IRS1: variants seen among roughly 807,000 people sequenced by gnomAD.
IRS1 encodes the protein insulin receptor substrate 1.
IRS1 carries 34 observed loss-of-function variants against 65.6 expected under a neutral mutation model. That is an observed-to-expected ratio of 0.52 (90% CI 0.39 to 0.69). The LOEUF is 0.69. Ranked by LOEUF, IRS1 falls within the 30% of genes least tolerant of loss-of-function variation. IRS1 has a pLI of 0.00. For missense variants in IRS1, 1,641 were observed against 1,720.2 expected (o/e 0.95, Z 0.81); for synonymous variants, 699 against 683.5 (o/e 1.02, Z -0.35).
chr2:226,799,164 T>G lies in IRS1; in HGVS notation c.-426A>C, dbSNP rs893018019. The G allele has an allele frequency of 5.2e-5, 57 of 1,105,520 alleles. No individual in the cohort carries two copies. Among genetic ancestry groups the G allele is most frequent in the Admixed American group, 9.7e-5 (2 of 20,620 alleles). 68.5% of individuals were successfully genotyped at this position (1,105,520 alleles called of 1,614,324 possible). A position where few individuals can be genotyped will look rare whatever the true frequency, so the allele number is the denominator to read the frequency against. On this transcript the variant is annotated 5_prime_UTR_variant, in exon 1 of 2. Coordinates refer to ENST00000305123, the MANE Select transcript of IRS1 (RefSeq NM_005544.3). This position sits in a 1 kb window ranked among gnomAD's most constrained non-coding sequence, Gnocchi z 6.1. ...AGCGCGCGCGCGCGCGCGCCTTCCCTCCTGAGTTCCCCTCTGGAAGCAGCG... is the reference window on the plus strand; with the variant it reads ...AGCGCGCGCGCGCGCGCGCCTTCCCGCCTGAGTTCCCCTCTGGAAGCAGCG...
chr2:226,772,697 T>A (rs1447849214), intron 1 of IRS1, among the ~76,000 whole-genome samples: 3 of 145,160 alleles, frequency 2.1e-5, no homozygotes, highest in Non-Finnish European at 4.5e-5. Flanking sequence ...AAAAAAAAAA[T>A]TCTAAGTCCT....
chr2:226,797,816 A>C lies in IRS1; in HGVS notation c.923T>G (p.Ile308Ser), dbSNP rs1386587599. Residue 308 changes from isoleucine to serine, a missense_variant, in exon 1 of 2, where the codon ATC (isoleucine) becomes AGC (serine). Around this residue, in one of 3 missense-constraint regions of IRS1, gnomAD observed 1,324 missense variants for 1,361.0 expected, o/e 0.97. Coordinates refer to ENST00000305123, the MANE Select transcript of IRS1 (RefSeq NM_005544.3). This position sits in a 1 kb window ranked among gnomAD's most constrained non-coding sequence, Gnocchi z 8.1. The part of the protein sequence containing the change: ...GLTRRSRTES[I>S]TATSPASMVG... ...CATGCTGGCCGGGGAGGTGGCGGTG[A>C]TGCTCTCAGTGCGTGATCGGCGGGT... The C allele has an allele frequency of 2.5e-6, 4 of 1,604,006 alleles. No individual in the cohort carries two copies. In the African/African-American group the frequency reaches 5.4e-5, roughly 21 times the overall value.
rs1251030573 is a variant in IRS1 at position 226,797,730 on chromosome 2, A to T, written c.1009T>A (p.Ser337Thr). Residue 337 changes from serine to threonine, a missense_variant, in exon 1 of 2, where the codon TCC (serine) becomes ACC (threonine). Around this residue, in one of 3 missense-constraint regions of IRS1, gnomAD observed 1,324 missense variants for 1,361.0 expected, o/e 0.97. Coordinates refer to ENST00000305123, the MANE Select transcript of IRS1 (RefSeq NM_005544.3). This position sits in a 1 kb window ranked among gnomAD's most constrained non-coding sequence, Gnocchi z 8.1. ...CTGCCGTCCACCGAGGCTGGGCGGG[A>T]CATGGTGCCTTCGCCGTCACTGGAG... Reference protein sequence around the residue: ...RASSDGEGTMSRPASVDGSPV... With the variant: ...RASSDGEGTMTRPASVDGSPV... The T allele has an allele frequency of 1.3e-6, 2 of 1,596,922 alleles. No homozygotes were observed. The highest frequency in any genetic ancestry group is 2.2e-5 in the South Asian group (2 of 90,548).
chr2:226,779,508 C>T (rs1469836208), intron 1 of IRS1, among the ~76,000 whole-genome samples: 1 of 152,192 alleles, frequency 6.6e-6, no homozygotes, highest in Non-Finnish European at 1.5e-5. Context: ...ATACCAGACA[C>T]ATATCTATAA....
chr2:226,796,255 G>C lies in IRS1; in HGVS notation c.2484C>G (p.Ser828Arg), dbSNP rs1378738307. Residue 828 changes from serine (S) to arginine (R), a missense_variant, in exon 1 of 2, where the codon AGC becomes AGG. Physicochemically the swap from Ser to Arg is moderately radical, Grantham distance 110. This residue lies in a region of IRS1 where 1,324 missense variants were observed against 1,361.0 expected (regional missense o/e 0.97). Coordinates refer to ENST00000305123, the MANE Select transcript of IRS1 (RefSeq NM_005544.3). ...GGYCGARLEP[S>R]LPHPHHQVLQ... ...GAACCTGATGGTGGGGATGTGGAAG[G>C]CTGGGCTCCAGCCTAGCCCCGCAGT... is the stretch of plus-strand genomic sequence containing the variant. The C allele has an allele frequency of 9.3e-6, 15 of 1,613,494 alleles. No homozygotes were observed. Among genetic ancestry groups the C allele is most frequent in the East Asian group, 2.2e-5 (1 of 44,886 alleles).
At position 226,798,535 on chromosome 2, in the gene IRS1, G is replaced by C. The variant is rs1460898587; in HGVS notation, c.204C>G (p.Ser68Arg). 6.2e-7 allele frequency: 1 copy of C among 1,614,094 alleles called. No homozygotes were observed. The highest frequency in any genetic ancestry group is 8.5e-7 in the Non-Finnish European group (1 of 1,180,022). The part of the protein sequence containing the change: ...SAPKRSIPLE[S>R]CFNINKRADS... The stretch of plus-strand genomic sequence containing the variant: ...CAGCCCGCTTGTTGATGTTGAAGCA[G>C]CTCTCAAGGGGGATCGAGCGTTTGG... The change falls in exon 1 of 2, where the codon AGC (serine) becomes AGG (arginine). Residue 68 changes from serine to arginine, a missense_variant. This residue lies in a region of IRS1 where 240 missense variants were observed against 229.6 expected (regional missense o/e 1.05). Coordinates refer to ENST00000305123, the MANE Select transcript of IRS1 (RefSeq NM_005544.3). The surrounding 1 kb of genome is among the most constrained non-coding windows in gnomAD (Gnocchi z 9.4).
Position 226,766,125 on chromosome 2 carries a change from A to C in IRS1, c.*21+28864T>G, listed in dbSNP as rs1312115914. Among the ~76,000 whole-genome samples the C allele has an allele frequency of 8.1e-3, 29 of 3,592 alleles. 1 individual carries two copies. Among genetic ancestry groups the C allele is most frequent in the African/African-American group, 0.025 (26 of 1,038 alleles). The allele number at this position is 3,592 out of a possible 152,430, so 2.4% of individuals were successfully genotyped here. A position where few individuals can be genotyped will look rare whatever the true frequency, so the allele number is the denominator to read the frequency against. On this transcript the variant is annotated intron_variant, in intron 1 of 1. Transcript: ENST00000305123. ...TCCCAAGGCCCTCTCTTAATCTTAT[A>C]TATATATATATATATATATATATAT...
chr2:226,763,321 C>T (rs1354463190), intron 1 of IRS1, among the ~76,000 whole-genome samples: 1 of 152,076 alleles, frequency 6.6e-6, no homozygotes, highest in African/African-American at 2.4e-5. Context: ...GTTGTGCTTT[C>T]TACAGTCTTG....
Position 226,795,978 on chromosome 2 carries a change from CAGA to C in IRS1, c.2758_2760del (p.Ser920del). 1 of 1,614,154 alleles carries C rather than the reference CAGA, an allele frequency of 6.2e-7. No homozygotes were observed. The highest frequency in any genetic ancestry group is 8.5e-7 in the Non-Finnish European group (1 of 1,180,050). On this transcript the variant is annotated inframe_deletion, in exon 1 of 2. Coordinates refer to ENST00000305123, the MANE Select transcript of IRS1 (RefSeq NM_005544.3). ...GGCTGGAGCTGGGATGGACACCTGA[CAGA>C]AGGTGAGCTGTGGAAAGCCACCGGG...
At chr2:226,743,634 ATGTCTTTCTTC>A (rs1346885378) in intron 1 of IRS1, among the ~76,000 whole-genome samples, 2 of 152,330 alleles carry the variant, frequency 1.3e-5, no homozygotes, top group East Asian at 3.9e-4. Context: ...TGTCATACGA[ATGTCTTTCTTC>A]TGCTTTCATG....
intron 1 of IRS1, among the ~76,000 whole-genome samples, chr2:226,769,868 G>A (rs937422730): frequency 6.6e-6 from 1 of 152,132 alleles, no homozygotes; most frequent in Non-Finnish European, 1.5e-5. Context: ...AGACATATCA[G>A]CCATTGATCG....
intron 1 of IRS1, among the ~76,000 whole-genome samples, chr2:226,772,389 A>G (rs1009054137): frequency 2.0e-5 from 3 of 152,176 alleles, no homozygotes; most frequent in Admixed American, 1.3e-4. Flanking sequence ...AGTTCCCAGG[A>G]GGTGGCAGAA....
intron 1 of IRS1, among the ~76,000 whole-genome samples, chr2:226,738,101 T>C (rs1938365280): frequency 6.6e-6 from 1 of 152,172 alleles, no homozygotes; most frequent in South Asian, 2.1e-4. Flanking sequence ...GGACTTTATC[T>C]AATTATAGAG....
At chr2:226,766,159 ATATATTTT>A (rs1206452036) in intron 1 of IRS1, among the ~76,000 whole-genome samples, 1 of 5,764 alleles carries the variant, frequency 1.7e-4, no homozygotes, top group Non-Finnish European at 3.9e-4. Context: ...ATATATATAT[ATATATTTT>A]TTTTTTTTTT....
rs113705295 is a variant in IRS1, at chr2:226,799,475, A to C, written c.-737T>G. ...GAAAGTGGCTTTTCCATGCGAAACGATACCGGGCAGCCACTGCAGCTGGGG... is the reference window on the plus strand; with the variant it reads ...GAAAGTGGCTTTTCCATGCGAAACGCTACCGGGCAGCCACTGCAGCTGGGG... On this transcript the variant is annotated 5_prime_UTR_variant, in exon 1 of 2. Coordinates refer to ENST00000305123, the MANE Select transcript of IRS1 (RefSeq NM_005544.3). The surrounding 1 kb of genome is among the most constrained non-coding windows in gnomAD (Gnocchi z 6.1). 30,763 of 1,173,118 alleles carry C rather than the reference A, an allele frequency of 0.026. 1,738 individuals are homozygous for C. Among genetic ancestry groups the C allele is most frequent in the African/African-American group, 0.19 (11,137 of 59,492 alleles). The allele number at this position is 1,173,118 out of a possible 1,614,324, so 72.7% of individuals were successfully genotyped here.
rs1351667336 is a variant in IRS1, at chr2:226,796,580, C to G, written c.2159G>C (p.Ser720Thr). Residue 720 changes from serine to threonine, a missense_variant, in exon 1 of 2, where the codon AGC (serine) becomes ACC (threonine). By Grantham distance (58) the Ser-to-Thr change is moderately conservative. Around this residue, in one of 3 missense-constraint regions of IRS1, gnomAD observed 1,324 missense variants for 1,361.0 expected, o/e 0.97. Transcript: ENST00000305123. Reference sequence around the variant, plus strand: ...GCAAGGTAAGAGCTTACCACCGCTGCTCTCCACTGGGGGTTTGGGGTGAGG... The same window carrying G: ...GCAAGGTAAGAGCTTACCACCGCTGGTCTCCACTGGGGGTTTGGGGTGAGG... The part of the protein sequence containing the change: ...VLPHPKPPVE[S>T]SGGKLLPCTG... 2 of 1,613,908 alleles carry G rather than the reference C, an allele frequency of 1.2e-6. No individual in the cohort carries two copies. Among genetic ancestry groups the G allele is most frequent in the Non-Finnish European group, 1.7e-6 (2 of 1,179,934 alleles).
Position 226,732,901 on chromosome 2 carries a change from G to T in IRS1, c.*3371C>A, listed in dbSNP as rs1938257453. 6.6e-6 allele frequency: 1 copy of T among 152,100 alleles called. No homozygotes were observed. The highest frequency in any genetic ancestry group is 1.5e-5 in the Non-Finnish European group (1 of 68,024). 9.4% of individuals were successfully genotyped at this position (152,100 alleles called of 1,614,324 possible). A position where few individuals can be genotyped will look rare whatever the true frequency, so the allele number is the denominator to read the frequency against. On this transcript the variant is annotated 3_prime_UTR_variant, in exon 2 of 2. Transcript: ENST00000305123. ...CTCCCCGCCAAGGTCTTAATTCACAGTGTCTGGATTCAGGGCCTCCTTGTG... is the reference window on the plus strand; with the variant it reads ...CTCCCCGCCAAGGTCTTAATTCACATTGTCTGGATTCAGGGCCTCCTTGTG...
intron 1 of IRS1, among the ~76,000 whole-genome samples, chr2:226,784,222 C>G (rs1261777483): frequency 6.6e-6 from 1 of 152,114 alleles, no homozygotes; most frequent in Non-Finnish European, 1.5e-5. Flanking sequence ...ACCTGAGAAA[C>G]TAGATAGCTT....
At chr2:226,783,527 C>A (rs1029405721) in intron 1 of IRS1, among the ~76,000 whole-genome samples, 5 of 152,124 alleles carry the variant, frequency 3.3e-5, no homozygotes, top group African/African-American at 1.2e-4. Flanking sequence ...GAGAAAAACT[C>A]AATGAATAGT....
Sources: allele counts gnomAD v4.1 joint callset (sites outside exome capture counted in the v4.1 genomes callset), GRCh38; gene constraint gnomAD v4.1.1; regional missense constraint gnomAD v4.1.1; non-coding constraint Gnocchi (gnomAD v3.1); transcripts MANE v1.5; gene names NCBI Gene and HGNC (gene_info 2026-07-23, HGNC 2026-07-21).